MALRD1: variants seen among roughly 807,000 people sequenced by gnomAD.
MALRD1 encodes MAM and LDL receptor class A domain containing 1.
In MALRD1, 247 loss-of-function variants were observed where a neutral mutation model predicts 242.1. That is an observed-to-expected ratio of 1.02 (90% CI 0.92 to 1.13). MALRD1 has a LOEUF of 1.13. Ranked by LOEUF, MALRD1 falls within the 50% of genes most tolerant of loss-of-function variation. The pLI is 0.00. For missense variants in MALRD1, 2,989 were observed against 2,533.1 expected (o/e 1.18, Z -3.86); for synonymous variants, 995 against 866.6 (o/e 1.15, Z -2.60).
intron 36 of MALRD1, among the ~76,000 whole-genome samples, chr10:19,658,305 A>C (rs1452107524): frequency 2.0e-5 from 3 of 152,180 alleles, no homozygotes; most frequent in Admixed American, 2.0e-4. Context: ...CGTCTGTAAA[A>C]TGTGGTAACA....
chr10:19,340,706 C>G (rs1415566763), intron 24 of MALRD1, among the ~76,000 whole-genome samples: 2 of 152,128 alleles, frequency 1.3e-5, no homozygotes, highest in African/African-American at 2.4e-5. Flanking sequence ...AGCAGTCTTT[C>G]ACAATTATTA....
At chr10:19,717,202 T>A (rs1834432532) in intron 38 of MALRD1, among the ~76,000 whole-genome samples, 1 of 152,236 alleles carries the variant, frequency 6.6e-6, no homozygotes, top group Non-Finnish European at 1.5e-5. Flanking sequence ...GTGGCTCATT[T>A]AGCATGCAAC....
intron 36 of MALRD1, among the ~76,000 whole-genome samples, chr10:19,686,013 A>C (rs535380756): frequency 6.6e-6 from 1 of 152,232 alleles, no homozygotes; most frequent in East Asian, 1.9e-4. Flanking sequence ...GCAGCACCTA[A>C]GTATGTTACT....
intron 28 of MALRD1, among the ~76,000 whole-genome samples, chr10:19,399,467 A>T (rs980015718): frequency 3.3e-5 from 5 of 152,176 alleles, no homozygotes; most frequent in Non-Finnish European, 7.3e-5. Context: ...ACATGCTCCA[A>T]CCAAAGTAGG....
At chr10:19,188,512 G>C (rs1319510160) in intron 14 of MALRD1, among the ~76,000 whole-genome samples, 1 of 151,452 alleles carries the variant, frequency 6.6e-6, no homozygotes, top group Non-Finnish European at 1.5e-5. Context: ...CAGGAAAGGG[G>C]AATGAATATT....
chr10:19,204,273 A>T, intron 15 of MALRD1, 35 bp from the exon 16 acceptor site: 1 of 1,230,012 alleles, frequency 8.1e-7, no homozygotes, highest in Non-Finnish European at 1.1e-6. Flanking sequence ...CCAATAGGTT[A>T]ATGAAGCGTT....
At chr10:19,497,035 A>G (rs1291390736) in intron 30 of MALRD1, among the ~76,000 whole-genome samples, 1 of 152,164 alleles carries the variant, frequency 6.6e-6, no homozygotes, top group African/African-American at 2.4e-5. Context: ...AAATAAAGTC[A>G]TATATTAAGC....
intron 38 of MALRD1, among the ~76,000 whole-genome samples, chr10:19,724,374 A>T (rs1015639768): frequency 6.6e-6 from 1 of 152,248 alleles, no homozygotes; most frequent in Non-Finnish European, 1.5e-5. Flanking sequence ...AACAAATTAT[A>T]AAAGTGTATT....
intron 13 of MALRD1, among the ~76,000 whole-genome samples, chr10:19,172,665 G>A (rs984150448): frequency 7.3e-5 from 11 of 150,752 alleles, no homozygotes; most frequent in Admixed American, 2.0e-4. Context: ...TCAAACTGTC[G>A]TTTTTTTTCC....
chr10:19,264,968 C>T (rs1839914987), intron 19 of MALRD1, among the ~76,000 whole-genome samples: 1 of 152,084 alleles, frequency 6.6e-6, no homozygotes, highest in Admixed American at 6.5e-5. Flanking sequence ...CTCGTTGATT[C>T]CATCTTGGTA....
chr10:19,213,759 T>C (rs545101145), intron 18 of MALRD1, among the ~76,000 whole-genome samples: 3 of 152,316 alleles, frequency 2.0e-5, no homozygotes, highest in Admixed American at 6.5e-5. Context: ...TTTTATCTTA[T>C]TGAGTGCTGG....
In MALRD1 at chr10:19,427,331, T is replaced by A. The variant is rs16918749; in HGVS notation, c.4846-22976T>A. Among the ~76,000 whole-genome samples, 902 of 152,322 alleles carry A rather than the reference T, an allele frequency of 5.9e-3. 9 individuals are homozygous for A. Among genetic ancestry groups the A allele is most frequent in the African/African-American group, 0.02 (839 of 41,568 alleles). On this transcript the variant is annotated intron_variant, in intron 28 of 39. Transcript: ENST00000454679. ...AACCTTAATGAGCATGGCTATCATA[T>A]TTTTATATACGTAATAAATTGAGAG...
chr10:19,113,816 C>CAA (rs1554791207), intron 5 of MALRD1, among the ~76,000 whole-genome samples: 1 of 147,396 alleles, frequency 6.8e-6, no homozygotes, highest in Non-Finnish European at 1.5e-5. Flanking sequence ...CACACACACA[C>CAA]ACACACACAC....
intron 19 of MALRD1, among the ~76,000 whole-genome samples, chr10:19,274,102 A>G (rs904706596): frequency 6.6e-6 from 1 of 152,200 alleles, no homozygotes; most frequent in Non-Finnish European, 1.5e-5. Flanking sequence ...GAATTATCCT[A>G]TGATGTAGCA....
chr10:19,425,060 G>T (rs975815570), intron 28 of MALRD1, among the ~76,000 whole-genome samples: 4 of 152,100 alleles, frequency 2.6e-5, no homozygotes, highest in Admixed American at 6.6e-5. Flanking sequence ...TTTAAAATAT[G>T]ATAGTTTTAT....
intron 5 of MALRD1, among the ~76,000 whole-genome samples, chr10:19,122,696 G>C (rs560553098): frequency 3.6e-4 from 54 of 152,106 alleles, no homozygotes; most frequent in Non-Finnish European, 5.0e-4. Flanking sequence ...TCTTATATTG[G>C]GGGGCTTGGG....
intron 28 of MALRD1, among the ~76,000 whole-genome samples, chr10:19,401,373 A>G (rs2130854305): frequency 6.6e-6 from 1 of 152,320 alleles, no homozygotes; most frequent in Non-Finnish European, 1.5e-5. Context: ...TAATGTATTT[A>G]AATTAAATGT....
intron 14 of MALRD1, among the ~76,000 whole-genome samples, chr10:19,190,847 A>C (rs1257565039): frequency 6.6e-6 from 1 of 152,144 alleles, no homozygotes; most frequent in East Asian, 1.9e-4. Flanking sequence ...TAAAACTATA[A>C]AACTCTTAGA....
intron 19 of MALRD1, among the ~76,000 whole-genome samples, chr10:19,273,282 A>G (rs934582203): frequency 6.6e-6 from 1 of 152,222 alleles, no homozygotes; most frequent in Middle Eastern, 3.2e-3. Flanking sequence ...ATTCACGTTC[A>G]TTGCTGGTAG....
Sources: allele counts gnomAD v4.1 joint callset (sites outside exome capture counted in the v4.1 genomes callset), GRCh38; gene constraint gnomAD v4.1.1; transcripts MANE v1.5; gene names NCBI Gene and HGNC (gene_info 2026-07-23, HGNC 2026-07-21).